Variants in EYS observed in about 807,000 individuals in gnomAD.
EYS encodes EGF-like photoreceptor maintenance factor, also known as protein eyes shut homolog.
Under a neutral mutation model 282.1 loss-of-function variants are expected in EYS, and 250 were observed. The ratio of observed to expected loss-of-function variants is 0.89; its 90% CI spans 0.80 to 0.98. The LOEUF is 0.98. EYS is among the 50% of genes least tolerant of loss of function. The pLI, the probability that EYS is intolerant of heterozygous loss-of-function variation, is 0.00. For synonymous variants in EYS, 1,355 were observed against 1,282.9 expected (o/e 1.06, Z -1.20); for missense variants, 4,016 against 3,709.0 (o/e 1.08, Z -2.15).
chr6:64,827,547 G>A (rs911513483), intron 19 of EYS, among the ~76,000 whole-genome samples: 2 of 151,692 alleles, frequency 1.3e-5, no homozygotes, highest in African/African-American at 2.4e-5. Context: ...TTTTGAAAAT[G>A]ACTAAAATTT....
chr6:64,123,444 A>C (rs1181513364), intron 31 of EYS, among the ~76,000 whole-genome samples: 3 of 152,178 alleles, frequency 2.0e-5, no homozygotes, highest in Non-Finnish European at 2.9e-5. Flanking sequence ...AATTTCTCTA[A>C]ACAAGCATGG....
chr6:65,478,890 T>A (rs1476450420), intron 5 of EYS, among the ~76,000 whole-genome samples: 1 of 152,120 alleles, frequency 6.6e-6, no homozygotes, highest in Non-Finnish European at 1.5e-5. Context: ...CTACAAAAAT[T>A]CTGTATAAAA....
rs572900317 is a variant in EYS, at chr6:65,174,329, A to C, written c.2024-116602T>G. On this transcript the variant is annotated intron_variant, in intron 12 of 42. Transcript: ENST00000503581. ...CAAATATTTCTCACTCTTTTCCATT[A>C]AACTAAGCACAAGATACATCAGTTG... 1.3e-4 allele frequency among the ~76,000 whole-genome samples: 20 copies of C among 151,482 alleles called. No individual in the cohort carries two copies. The South Asian group carries it at 4.1e-3, about 31-fold the overall frequency.
At chr6:65,560,078 T>C (rs987575572) in intron 2 of EYS, among the ~76,000 whole-genome samples, 2 of 149,790 alleles carry the variant, frequency 1.3e-5, no homozygotes, top group African/African-American at 4.9e-5. Flanking sequence ...CTATATTATA[T>C]CTATTACTCA....
At chr6:64,781,277 C>A (rs1773850807) in intron 22 of EYS, among the ~76,000 whole-genome samples, 1 of 152,004 alleles carries the variant, frequency 6.6e-6, no homozygotes, top group Non-Finnish European at 1.5e-5. Flanking sequence ...CACCACAGAC[C>A]TATTGAATCA....
chr6:65,221,917 C>G (rs1002383494), intron 12 of EYS, among the ~76,000 whole-genome samples: 3 of 152,120 alleles, frequency 2.0e-5, no homozygotes, highest in Non-Finnish European at 4.4e-5. Flanking sequence ...GAGATCATTA[C>G]GAAGCTTTAA....
intron 31 of EYS, among the ~76,000 whole-genome samples, chr6:64,207,840 G>T (rs2150325786): frequency 6.6e-6 from 1 of 152,132 alleles, no homozygotes; most frequent in East Asian, 1.9e-4. Flanking sequence ...GTATTTTTTA[G>T]TAGAGACAGG....
chr6:65,088,920 T>G (rs1774466261), intron 12 of EYS, among the ~76,000 whole-genome samples: 1 of 152,144 alleles, frequency 6.6e-6, no homozygotes, highest in South Asian at 2.1e-4. Context: ...AAGGTACATC[T>G]CGTGACATTG....
chr6:65,422,021 G>A (rs1038527419), intron 5 of EYS, among the ~76,000 whole-genome samples: 1 of 151,920 alleles, frequency 6.6e-6, no homozygotes, highest in African/African-American at 2.4e-5. Context: ...TGAGCACATG[G>A]TGTTAGAAAA....
chr6:63,948,840 C>T (rs922317716), intron 35 of EYS, among the ~76,000 whole-genome samples: 3 of 152,042 alleles, frequency 2.0e-5, no homozygotes, highest in Non-Finnish European at 4.4e-5. Flanking sequence ...TAATTATTTA[C>T]ATACTGTATA....
intron 35 of EYS, among the ~76,000 whole-genome samples, chr6:63,931,375 C>G (rs1764888965): frequency 6.6e-6 from 1 of 152,168 alleles, no homozygotes; most frequent in Non-Finnish European, 1.5e-5. Flanking sequence ...AGGTCCTTCC[C>G]TTTGTTTCTA....
chr6:63,847,995 A>G (rs1435868864), intron 36 of EYS, among the ~76,000 whole-genome samples: 1 of 152,240 alleles, frequency 6.6e-6, no homozygotes, highest in African/African-American at 2.4e-5. Context: ...ATATATACAT[A>G]ATGCAATTTG....
intron 33 of EYS, among the ~76,000 whole-genome samples, chr6:64,040,327 G>C (rs181380300): frequency 2.6e-5 from 4 of 152,130 alleles, no homozygotes; most frequent in Admixed American, 2.0e-4. Context: ...TGAATAGCAG[G>C]ACAAAAATTA....
At chr6:64,811,604 T>C (rs1764598746) in intron 22 of EYS, among the ~76,000 whole-genome samples, 1 of 152,096 alleles carries the variant, frequency 6.6e-6, no homozygotes, top group South Asian at 2.1e-4. Flanking sequence ...TTAAAGTCTT[T>C]CTCATGAGAC....
At chr6:64,618,644 C>A (rs1157231835) in intron 23 of EYS, among the ~76,000 whole-genome samples, 1 of 152,106 alleles carries the variant, frequency 6.6e-6, no homozygotes. Flanking sequence ...TGAAACACTT[C>A]ATTATAAGAA....
intron 26 of EYS, among the ~76,000 whole-genome samples, chr6:64,541,729 T>C (rs1237876211): frequency 6.6e-6 from 1 of 152,218 alleles, no homozygotes; most frequent in East Asian, 1.9e-4. Flanking sequence ...GTGGCTTACT[T>C]CATCCTACTG....
chr6:64,147,140 T>C (rs1774545799), intron 31 of EYS, among the ~76,000 whole-genome samples: 1 of 152,170 alleles, frequency 6.6e-6, no homozygotes, highest in South Asian at 2.1e-4. Flanking sequence ...TGGGAGCAGA[T>C]GAAGCTAACA....
At chr6:64,822,479 G>C (rs142137739) in intron 20 of EYS, among the ~76,000 whole-genome samples, 172 bp downstream of exon 20, 1 of 152,066 alleles carries the variant, frequency 6.6e-6, no homozygotes, top group African/African-American at 2.4e-5. Context: ...TAATGTATCA[G>C]TACATTGCAT....
chr6:65,386,018 G>A lies in EYS; in HGVS notation c.1185-1518C>T, dbSNP rs182305365. Among the ~76,000 whole-genome samples the A allele has an allele frequency of 5.5e-4, 83 of 151,876 alleles. No individual in the cohort carries two copies. In the East Asian group the frequency reaches 9.3e-3, roughly 17 times the overall value. The stretch of plus-strand genomic sequence containing the variant: ...GCAGTTAAAGACACATGTGACTTTC[G>A]GGCTTACTTTGTGTTGCAGTTTCCA... On this transcript the variant is annotated intron_variant, in intron 7 of 42. Coordinates refer to ENST00000503581, the MANE Select transcript of EYS (RefSeq NM_001142800.2).
Sources: allele counts gnomAD v4.1 joint callset (sites outside exome capture counted in the v4.1 genomes callset), GRCh38; gene constraint gnomAD v4.1.1; transcripts MANE v1.5; gene names NCBI Gene and HGNC (gene_info 2026-07-23, HGNC 2026-07-21).